COL6A5: variants seen among roughly 807,000 people sequenced by gnomAD.
COL6A5 encodes the protein collagen type VI alpha 5 chain.
COL6A5 carries 48 observed loss-of-function variants against 65.6 expected under a neutral mutation model. The ratio of observed to expected loss-of-function variants is 0.73; its 90% CI spans 0.58 to 0.93. The LOEUF (loss-of-function observed/expected upper bound fraction) is 0.93. Ranked by LOEUF, COL6A5 falls within the 40% of genes least tolerant of loss-of-function variation. COL6A5 has a pLI of 0.00. For synonymous variants in COL6A5, 291 were observed against 322.8 expected (o/e 0.90, Z 1.05); for missense variants, 914 against 928.3 (o/e 0.98, Z 0.20).
chr3:130,417,822 A>AT (rs1480732423), intron 24 of COL6A5, among the ~76,000 whole-genome samples: 2 of 152,040 alleles, frequency 1.3e-5, no homozygotes, highest in East Asian at 3.9e-4. Flanking sequence ...CCTGAATCTC[A>AT]TTTTTTAAGC....
intron 28 of COL6A5, among the ~76,000 whole-genome samples, chr3:130,423,415 A>G (rs1057510585): frequency 6.6e-6 from 1 of 152,142 alleles, no homozygotes; most frequent in South Asian, 2.1e-4. Context: ...TTTCATTAGT[A>G]TCCGTATCCA....
chr3:130,391,716 C>G, exon 7 of COL6A5: 1 of 1,551,418 alleles, frequency 6.4e-7, no homozygotes, highest in Non-Finnish European at 8.7e-7. Context: ...GATGTTTTCA[C>G]ACTTGTTCAA....
rs371740627 is a variant in COL6A5, at chr3:130,372,276, A to G, written c.-28-1335A>G. ...TTTGCAGTTTCTCAAAATGTTAAAC[A>G]TAGAGTTATGATAAGACCAAATATT... On this transcript the variant is annotated intron_variant and NMD_transcript_variant, in intron 1 of 41. Coordinates refer to the COL6A5 transcript ENST00000312481. 6.3e-4 allele frequency among the ~76,000 whole-genome samples: 96 copies of G among 152,140 alleles called. 1 individual carries two copies. The South Asian group carries it at 0.019, about 30-fold the overall frequency.
chr3:130,408,445 G>A (rs562909565), intron 17 of COL6A5, among the ~76,000 whole-genome samples: 7 of 152,232 alleles, frequency 4.6e-5, no homozygotes, highest in East Asian at 3.9e-4. Flanking sequence ...TTGTCTGCTC[G>A]CGAACACTGT....
At chr3:130,453,676 C>A (rs1351794905) in intron 4 of COL6A5, among the ~76,000 whole-genome samples, 2 of 152,128 alleles carry the variant, frequency 1.3e-5, no homozygotes, top group Non-Finnish European at 2.9e-5. Context: ...ATCTTGGTTG[C>A]TTTCTTCTTT....
intron 5 of COL6A5, among the ~76,000 whole-genome samples, chr3:130,386,086 C>G (rs1388469621): frequency 6.6e-6 from 1 of 151,946 alleles, no homozygotes; most frequent in East Asian, 1.9e-4. Flanking sequence ...ACACCACTTA[C>G]TAGTTCAAGA....
intron 29 of COL6A5, 93 bp from the exon 30 acceptor site, chr3:130,426,117 TAAGA>T: frequency 8.4e-7 from 1 of 1,186,814 alleles, no homozygotes; most frequent in African/African-American, 1.5e-5. Flanking sequence ...GCTGTGCTTT[TAAGA>T]AAGAAAGTTT....
At chr3:130,466,307 G>T (rs1007225481) in intron 5 of COL6A5, among the ~76,000 whole-genome samples, 2 of 151,942 alleles carry the variant, frequency 1.3e-5, no homozygotes, top group Admixed American at 6.6e-5. Flanking sequence ...GAAATCAATA[G>T]CAGAAAGATC....
At chr3:130,479,742 T>G (rs1710190675) in intron 7 of COL6A5, among the ~76,000 whole-genome samples, 1 of 152,216 alleles carries the variant, frequency 6.6e-6, no homozygotes, top group African/African-American at 2.4e-5. Flanking sequence ...ATTAAAATAT[T>G]TTATCAAAAA....
exon 8 of COL6A5, chr3:130,484,695 T>G (rs1399403181): frequency 3.7e-6 from 1 of 269,616 alleles, no homozygotes; most frequent in East Asian, 4.1e-5. Context: ...AATCTTTTGT[T>G]TAAATTTTAG....
At chr3:130,462,192 C>T (rs1709717968) in intron 5 of COL6A5, among the ~76,000 whole-genome samples, 1 of 152,060 alleles carries the variant, frequency 6.6e-6, no homozygotes, top group South Asian at 2.1e-4. Context: ...TGCCTGCCTC[C>T]TTTGTTGCCC....
At chr3:130,482,531 C>CT (rs1577553104) in intron 7 of COL6A5, among the ~76,000 whole-genome samples, 2 of 152,056 alleles carry the variant, frequency 1.3e-5, no homozygotes, top group East Asian at 3.9e-4. Context: ...TATTTGGGCT[C>CT]TTTTTTGTTT....
intron 13 of COL6A5, among the ~76,000 whole-genome samples, chr3:130,404,189 A>G (rs1231282163): frequency 6.7e-6 from 1 of 150,080 alleles, no homozygotes; most frequent in Non-Finnish European, 1.5e-5. Context: ...AATGCTACAC[A>G]GAGGTTTGCG....
intron 1 of COL6A5, among the ~76,000 whole-genome samples, chr3:130,356,158 C>A (rs562658020): frequency 1.1e-3 from 174 of 151,968 alleles, no homozygotes; most frequent in African/African-American, 4.0e-3. Flanking sequence ...ACAGTGATGG[C>A]GCAAGCGATA....
At chr3:130,449,551 G>A (rs562272098) in intron 4 of COL6A5, among the ~76,000 whole-genome samples, 10 of 152,196 alleles carry the variant, frequency 6.6e-5, no homozygotes, top group Non-Finnish European at 1.3e-4. Context: ...CCATGTTAGC[G>A]GGATGTTTAA....
intron 1 of COL6A5, among the ~76,000 whole-genome samples, chr3:130,362,313 TATATATATATA>T (rs1935156341): frequency 4.0e-4 from 1 of 2,506 alleles, no homozygotes; most frequent in African/African-American, 9.4e-4. Context: ...TATATATATA[TATATATATATA>T]TATTTTTTTT....
intron 1 of COL6A5, among the ~76,000 whole-genome samples, chr3:130,357,985 C>T (rs1328311186): frequency 6.6e-6 from 1 of 151,862 alleles, no homozygotes; most frequent in African/African-American, 2.4e-5. Context: ...GTCAGGTGAT[C>T]GAGACCATCC....
intron 10 of COL6A5, among the ~76,000 whole-genome samples, chr3:130,398,462 A>G (rs759414471): frequency 3.9e-5 from 6 of 152,160 alleles, no homozygotes; most frequent in African/African-American, 1.2e-4. Context: ...AGCATGGAAT[A>G]TGCTTAACAA....
Position 130,468,775 on chromosome 3 carries a change from C to T in COL6A5, c.1545-20C>T. On this transcript the variant is annotated intron_variant, in intron 5 of 7. Transcript: ENST00000512836. ...CTTATCTTTCCATTAAAAAGAATGACTTGAGTTATTCTGTTGCAGGACATG... is the reference window on the plus strand; with the variant it reads ...CTTATCTTTCCATTAAAAAGAATGATTTGAGTTATTCTGTTGCAGGACATG... 1 of 1,565,408 alleles carries T rather than the reference C, an allele frequency of 6.4e-7. No individual in the cohort carries two copies. Among genetic ancestry groups the T allele is most frequent in the Non-Finnish European group, 8.7e-7 (1 of 1,147,700 alleles).
Sources: allele counts gnomAD v4.1 joint callset (sites outside exome capture counted in the v4.1 genomes callset), GRCh38; gene constraint gnomAD v4.1.1; transcripts MANE v1.5; gene names NCBI Gene and HGNC (gene_info 2026-07-23, HGNC 2026-07-21).